Variants in LRRTM4 observed in about 807,000 individuals in gnomAD.
The protein encoded by LRRTM4 is leucine rich repeat transmembrane neuronal 4.
Under a neutral mutation model 47.6 loss-of-function variants are expected in LRRTM4, and 25 were observed. The observed-to-expected ratio is 0.53, with a 90% CI of 0.38 to 0.73. The LOEUF (loss-of-function observed/expected upper bound fraction) is 0.73, where lower values mean the gene tolerates loss of function less well. Among genes scored for constraint, LRRTM4 ranks in the 30% least tolerant of loss-of-function variants. LRRTM4 has a pLI of 0.00. For missense variants in LRRTM4, 638 were observed against 713.4 expected (o/e 0.89, Z 1.20); for synonymous variants, 311 against 269.5 (o/e 1.15, Z -1.51).
chr2:76,780,456 A>G (rs538903749), intron 3 of LRRTM4, among the ~76,000 whole-genome samples: 2 of 151,976 alleles, frequency 1.3e-5, no homozygotes, highest in South Asian at 2.1e-4. Context: ...GGCTTTGCTC[A>G]TTTCTTTTTA....
At chr2:77,281,903 G>A (rs927479489) in intron 3 of LRRTM4, among the ~76,000 whole-genome samples, 1 of 151,726 alleles carries the variant, frequency 6.6e-6, no homozygotes, top group Non-Finnish European at 1.5e-5. Context: ...ATAAGACGCA[G>A]GTGACAAATG....
At chr2:77,190,191 A>T (rs1673627696) in intron 3 of LRRTM4, among the ~76,000 whole-genome samples, 1 of 151,712 alleles carries the variant, frequency 6.6e-6, no homozygotes, top group African/African-American at 2.4e-5. Context: ...CTTGATTATC[A>T]TTATTAATCT....
rs80116723 is a variant in LRRTM4 at position 76,776,004 on chromosome 2, G to T, written c.1552-27088C>A. On this transcript the variant is annotated intron_variant, in intron 3 of 3. Transcript: ENST00000409884. ...TTCCCGCCTATGAGTGACAATATGC[G>T]GTGTTTGGTTTTTTGTTCTTGCAGT... is the stretch of plus-strand genomic sequence containing the variant. 4.0e-5 allele frequency among the ~76,000 whole-genome samples: 6 copies of T among 151,494 alleles called. No individual in the cohort carries two copies. In the South Asian group the frequency reaches 1.2e-3, roughly 32 times the overall value.
At chr2:76,918,889 C>G (rs552215364) in intron 3 of LRRTM4, among the ~76,000 whole-genome samples, 1 of 152,234 alleles carries the variant, frequency 6.6e-6, no homozygotes, top group South Asian at 2.1e-4. Flanking sequence ...TAACTTCGAT[C>G]AAGATAACCC....
chr2:77,368,036 A>G lies in LRRTM4; in HGVS notation c.1551+150282T>C, dbSNP rs547684953. Among the ~76,000 whole-genome samples the G allele has an allele frequency of 2.0e-5, 3 of 151,722 alleles. No homozygotes were observed. In the East Asian group the frequency reaches 5.9e-4, roughly 30 times the overall value. On this transcript the variant is annotated intron_variant, in intron 3 of 3. Transcript: ENST00000409884. The stretch of plus-strand genomic sequence containing the variant: ...TTCTATAATCTGTGTTTTAATACAT[A>G]AACTCTGTAGTGGAAAAATATTGCT...
chr2:76,854,944 A>T (rs946529232), intron 3 of LRRTM4, among the ~76,000 whole-genome samples: 2 of 152,102 alleles, frequency 1.3e-5, no homozygotes, highest in Non-Finnish European at 2.9e-5. Context: ...GAAACAGTAG[A>T]GCAGAGTAAG....
At chr2:77,477,901 GAAAAAGAAAGAAAGAAAGAAAGAA>G (rs1677480116) in intron 3 of LRRTM4, among the ~76,000 whole-genome samples, 1 of 71,062 alleles carries the variant, frequency 1.4e-5, no homozygotes, top group African/African-American at 5.6e-5. Context: ...GAAAAAGAAA[GAAAAAGAAAGAAAGAAAGAAAGAA>G]AGAAAGAAAG....
intron 3 of LRRTM4, among the ~76,000 whole-genome samples, chr2:77,110,209 G>A (rs1314207913): frequency 6.6e-6 from 1 of 152,050 alleles, no homozygotes; most frequent in Non-Finnish European, 1.5e-5. Context: ...ATTAAAAGGT[G>A]GAAACAAATC....
chr2:77,397,942 T>C (rs1673765094), intron 3 of LRRTM4, among the ~76,000 whole-genome samples: 1 of 151,772 alleles, frequency 6.6e-6, no homozygotes. Context: ...ACTCACCCAT[T>C]CTTGAAAAGG....
intron 3 of LRRTM4, among the ~76,000 whole-genome samples, chr2:76,937,128 G>A (rs1175855215): frequency 6.6e-6 from 1 of 151,948 alleles, no homozygotes; most frequent in East Asian, 1.9e-4. Context: ...CAGTCTTGGT[G>A]ATGGTAATTT....
At chr2:77,168,871 T>A (rs568391037) in intron 3 of LRRTM4, among the ~76,000 whole-genome samples, 1 of 152,286 alleles carries the variant, frequency 6.6e-6, no homozygotes, top group African/African-American at 2.4e-5. Context: ...CAAAAGATAA[T>A]ACTCCACCAT....
chr2:77,115,419 G>A (rs747890833), intron 3 of LRRTM4, among the ~76,000 whole-genome samples: 7 of 152,134 alleles, frequency 4.6e-5, no homozygotes, highest in Non-Finnish European at 1.0e-4. Flanking sequence ...TGGTCCTGAG[G>A]TGACACACAT....
At chr2:77,003,789 C>A (rs757699525) in intron 3 of LRRTM4, among the ~76,000 whole-genome samples, 1 of 151,358 alleles carries the variant, frequency 6.6e-6, no homozygotes, top group Non-Finnish European at 1.5e-5. Flanking sequence ...GCAGAGGTTG[C>A]AACAGATTGG....
chr2:77,144,389 A>G (rs1672202555), intron 3 of LRRTM4, among the ~76,000 whole-genome samples: 1 of 151,930 alleles, frequency 6.6e-6, no homozygotes, highest in South Asian at 2.1e-4. Flanking sequence ...TAACACACTG[A>G]CTCAGGGCAT....
At chr2:76,940,060 C>G (rs1675083096) in intron 3 of LRRTM4, among the ~76,000 whole-genome samples, 1 of 152,126 alleles carries the variant, frequency 6.6e-6, no homozygotes, top group Non-Finnish European at 1.5e-5. Context: ...ATCAGTTCAA[C>G]CTTTGTGGAA....
chr2:77,032,314 C>T (rs1027144209), intron 3 of LRRTM4, among the ~76,000 whole-genome samples: 10 of 152,204 alleles, frequency 6.6e-5, no homozygotes, highest in Admixed American at 5.9e-4. Context: ...TTAGTCTAAT[C>T]ATCTCAAACA....
intron 3 of LRRTM4, among the ~76,000 whole-genome samples, chr2:77,197,750 A>G (rs2103892891): frequency 6.6e-6 from 1 of 152,266 alleles, no homozygotes; most frequent in Admixed American, 6.5e-5. Context: ...CTTATGCCGT[A>G]CCCTACTCTC....
rs1206118910 is a variant in LRRTM4 at position 77,010,048 on chromosome 2, CATG to C, written c.1552-261135_1552-261133del. On this transcript the variant is annotated intron_variant, in intron 3 of 3. Coordinates refer to ENST00000409884, the MANE Select transcript of LRRTM4 (RefSeq NM_001134745.3). Reference sequence around the variant, plus strand: ...AATTGAATATATTTATAGTATACAGCATGATATTTTGATATATGTATATGTTTT... The same window carrying C: ...AATTGAATATATTTATAGTATACAGCATATTTTGATATATGTATATGTTTT... Among the ~76,000 whole-genome samples the C allele has an allele frequency of 4.0e-5, 6 of 151,616 alleles. No homozygotes were observed. In the East Asian group the frequency reaches 9.7e-4, roughly 24 times the overall value.
At chr2:77,169,109 G>A (rs1672972342) in intron 3 of LRRTM4, among the ~76,000 whole-genome samples, 1 of 152,058 alleles carries the variant, frequency 6.6e-6, no homozygotes, top group Non-Finnish European at 1.5e-5. Flanking sequence ...TGACAAATCC[G>A]CAGCTAAAAT....
Sources: gnomAD v4.1 joint callset for allele counts (sites outside exome capture counted in the v4.1 genomes callset) on GRCh38, gnomAD v4.1.1 for gene constraint, MANE v1.5 for transcripts, NCBI Gene and HGNC (gene_info 2026-07-23, HGNC 2026-07-21) for gene names.